The following SSC5D variants were observed in gnomAD, a reference collection of about 807,000 sequenced individuals.
SSC5D encodes scavenger receptor cysteine rich family member with 5 domains.
Under a neutral mutation model 104.6 loss-of-function variants are expected in SSC5D, and 106 were observed. The ratio of observed to expected loss-of-function variants is 1.01; its 90% confidence interval spans 0.87 to 1.19. The LOEUF (loss-of-function observed/expected upper bound fraction) is 1.19. Ranked by LOEUF, SSC5D falls within the 50% of genes most tolerant of loss-of-function variation. The probability of loss-of-function intolerance (pLI) is 0.00; values close to 1 mark genes in which losing one functional copy is unlikely to be tolerated. For missense variants in SSC5D, 1,993 were observed against 2,153.8 expected, an observed-to-expected ratio of 0.93 and a Z score of 1.48; for synonymous variants, 860 against 883.5, an observed-to-expected ratio of 0.97 and a Z score of 0.47.
At chr19:55,513,291 A>G in intron 13 of SSC5D, 119 bp downstream of exon 13, 1 of 1,087,190 alleles carries the variant, frequency 9.2e-7, no homozygotes, top group South Asian at 1.8e-5. Context: ...AATATACCCT[A>G]AAACAAAGGG....
intron 12 of SSC5D, among the ~76,000 whole-genome samples, chr19:55,506,504 C>T (rs1987639917): frequency 6.8e-6 from 1 of 147,448 alleles, no homozygotes; most frequent in Admixed American, 6.9e-5. Flanking sequence ...ACACCATTCT[C>T]CTGCCTCAGC....
At chr19:55,495,233 A>ATATATTTTTTTTT (rs1555765051) in intron 8 of SSC5D, among the ~76,000 whole-genome samples, 2 of 50,668 alleles carry the variant, frequency 3.9e-5, no homozygotes, top group African/African-American at 2.0e-4. Context: ...ATATATATAT[A>ATATATTTTTTTTT]TTTTTTTTTT....
Position 55,517,406 on chromosome 19 carries a change from G to A in SSC5D, c.3130G>A (p.Ala1044Thr), listed in dbSNP as rs1385336925. The A allele has an allele frequency of 1.3e-6, 2 of 1,550,824 alleles. No individual in the cohort carries two copies. The highest frequency in any genetic ancestry group is 1.2e-5 in the South Asian group (1 of 84,042). ...SALTSEATSDAPDTSPPTPDP... is the reference protein window; with the variant it reads ...SALTSEATSDTPDTSPPTPDP... The stretch of plus-strand genomic sequence containing the variant: ...CTTGACGTCCGAGGCGACCTCTGAC[G>A]CTCCGGACACTTCACCACCCACCCC... Residue 1044 changes from alanine (A) to threonine (T), a missense_variant, in exon 14 of 14, where the codon GCT (alanine) becomes ACT (threonine). Ala to Thr is a moderately conservative substitution (Grantham distance 58). Around this residue, in one of 6 missense-constraint regions of SSC5D, gnomAD observed 423 missense variants for 409.2 expected, o/e 1.03. Transcript: ENST00000389623.
rs565619807 is a variant in SSC5D, at chr19:55,503,802, A to G, written c.2785+2601A>G. Among the ~76,000 whole-genome samples the G allele has an allele frequency of 7.0e-6, 1 of 143,402 alleles. No individual in the cohort carries two copies. The highest frequency in any genetic ancestry group is 2.1e-4 in the East Asian group (1 of 4,656). The allele number at this position is 143,402 out of a possible 152,430, so 94.1% of individuals were successfully genotyped here. On this transcript the variant is annotated intron_variant, in intron 12 of 13. Transcript: ENST00000389623. The surrounding 1 kb of genome is among the most constrained non-coding windows in gnomAD (Gnocchi z 4.0). ...CGCTCCCGCAGGAGAGTCTCGCCGC[A>G]AGCGTCCTTTCCCGCCTTTTTTTTT...
intron 12 of SSC5D, 83 bp from the exon 13 acceptor site, chr19:55,512,928 G>C (rs1555767357): frequency 7.9e-6 from 12 of 1,514,004 alleles, no homozygotes; most frequent in East Asian, 4.9e-5. Flanking sequence ...GCCTGAACTG[G>C]GGCTGGCCCA....
intron 12 of SSC5D, among the ~76,000 whole-genome samples, chr19:55,506,871 G>A (rs1390908585): frequency 1.3e-5 from 2 of 150,622 alleles, no homozygotes; most frequent in Non-Finnish European, 3.0e-5. Flanking sequence ...GAGGGTTGCA[G>A]TTTAAAATAG....
At position 55,502,888 on chromosome 19, in the gene SSC5D, T is replaced by C. The variant is rs1735699997; in HGVS notation, c.2785+1687T>C. Among the ~76,000 whole-genome samples the C allele has an allele frequency of 1.3e-5, 2 of 152,002 alleles. 1 individual carries two copies. Among genetic ancestry groups the C allele is most frequent in the African/African-American group, 4.8e-5 (2 of 41,352 alleles). On this transcript the variant is annotated intron_variant, in intron 12 of 13. Transcript: ENST00000389623. The stretch of plus-strand genomic sequence containing the variant: ...TGGAGTGCAGTGGCGTGGTCTCGGC[T>C]CACTGCAACCTCCACCTCCCGGGTT...
In SSC5D at chr19:55,500,777, G is replaced by A. The variant is rs1185755879; in HGVS notation, c.2590G>A (p.Glu864Lys). 3.9e-6 allele frequency: 6 copies of A among 1,550,796 alleles called. No homozygotes were observed. Among genetic ancestry groups the A allele is most frequent in the South Asian group, 1.2e-5 (1 of 84,036 alleles). ...GAWGKHNCDH[E>K]EDVGLTCTGY... The stretch of plus-strand genomic sequence containing the variant: ...TTGGGGGAAGCACAACTGTGACCAC[G>A]AGGAAGACGTGGGGCTCACCTGCAC... Residue 864 changes from glutamate to lysine, a missense_variant, in exon 11 of 14, where the codon GAG becomes AAG. Physicochemically the swap from Glu to Lys is moderately conservative, Grantham distance 56. Coordinates refer to ENST00000389623, the MANE Select transcript of SSC5D (RefSeq NM_001144950.2). The surrounding 1 kb of genome is among the most constrained non-coding windows in gnomAD (Gnocchi z 4.6).
chr19:55,490,549 G>A lies in SSC5D; in HGVS notation c.586+141G>A. On this transcript the variant is annotated intron_variant, in intron 5 of 13. Coordinates refer to ENST00000389623, the MANE Select transcript of SSC5D (RefSeq NM_001144950.2). ...AGTGTTCCCCGCGTCCCTCCCCCGG[G>A]GATTTAGACGGCCAGGCCTGGTCTC... The A allele has an allele frequency of 8.0e-6, 5 of 621,650 alleles. No individual in the cohort carries two copies. The South Asian group carries it at 1.0e-4, about 13-fold the overall frequency. 38.5% of individuals were successfully genotyped at this position (621,650 alleles called of 1,614,324 possible). A position where few individuals can be genotyped will look rare whatever the true frequency, so the allele number is the denominator to read the frequency against.
intron 13 of SSC5D, among the ~76,000 whole-genome samples, chr19:55,514,260 C>T (rs1987817974): frequency 6.6e-6 from 1 of 151,736 alleles, no homozygotes; most frequent in East Asian, 1.9e-4. Context: ...AAAAAATTAG[C>T]CAGGCGTGGT....
At chr19:55,504,920 A>G (rs1237290352) in intron 12 of SSC5D, among the ~76,000 whole-genome samples, 1 of 152,172 alleles carries the variant, frequency 6.6e-6, no homozygotes, top group South Asian at 2.1e-4. Context: ...CTGTTGCTAC[A>G]CCTGTGTTTC....
At chr19:55,490,540 C>G (rs1987110503) in intron 5 of SSC5D, 132 bp downstream of exon 5, 1 of 616,214 alleles carries the variant, frequency 1.6e-6, no homozygotes, top group Admixed American at 3.3e-5. Context: ...CCCCGCGTCC[C>G]TCCCCCGGGG....
rs973651778 is a variant in SSC5D at position 55,503,688 on chromosome 19, C to A, written c.2785+2487C>A. On this transcript the variant is annotated intron_variant, in intron 12 of 13. Transcript: ENST00000389623. The surrounding 1 kb of genome is among the most constrained non-coding windows in gnomAD (Gnocchi z 4.0). ...GTCTTCTCCCTCCCTTCCACTCTCC[C>A]GCCCTGCTCGCCGTCTGGGGCTGCC... 5.3e-5 allele frequency among the ~76,000 whole-genome samples: 8 copies of A among 152,210 alleles called. No individual in the cohort carries two copies. Among genetic ancestry groups the A allele is most frequent in the Non-Finnish European group, 1.2e-4 (8 of 68,032 alleles).
At chr19:55,510,498 T>G (rs4254424) in intron 12 of SSC5D, among the ~76,000 whole-genome samples, 150,703 of 152,190 alleles carry the variant, frequency 0.99, 74,653 homozygotes, top group Non-Finnish European at 1. Flanking sequence ...ACAGGCATGT[T>G]CCACCACGCC....
At chr19:55,494,929 G>C (rs1225966314) in intron 8 of SSC5D, 146 bp downstream of exon 8, 19 of 954,970 alleles carry the variant, frequency 2.0e-5, no homozygotes, top group Non-Finnish European at 2.7e-5. Flanking sequence ...ACTGAGCTGG[G>C]TTCAATGCTC....
intron 12 of SSC5D, among the ~76,000 whole-genome samples, chr19:55,508,517 G>C (rs1282331029): frequency 1.3e-5 from 2 of 152,192 alleles, no homozygotes; most frequent in African/African-American, 4.8e-5. Context: ...AACTGAGGTA[G>C]GGAGAGGTCA....
rs1987890854 is a variant in SSC5D, at chr19:55,517,214, C to T, written c.2948-10C>T. ...CTCAGACCGTCCGTCTGTCTTTCCT[C>T]CTCCTCCAGGTTCCCCGAGGAAACC... On this transcript the variant is annotated splice_polypyrimidine_tract_variant and intron_variant, in intron 13 of 13. Transcript: ENST00000389623. The T allele has an allele frequency of 1.3e-6, 2 of 1,533,846 alleles. No individual in the cohort carries two copies. Among genetic ancestry groups the T allele is most frequent in the Non-Finnish European group, 1.7e-6 (2 of 1,145,214 alleles).
At chr19:55,489,143 C>G (rs1987053080) in intron 2 of SSC5D, 111 bp downstream of exon 2, 7 of 919,738 alleles carry the variant, frequency 7.6e-6, no homozygotes, top group Non-Finnish European at 9.2e-6. Flanking sequence ...CCGAATTCCA[C>G]TGTGACCTTG....
Position 55,500,684 on chromosome 19 carries a change from C to G in SSC5D, c.2497C>G (p.Pro833Ala), listed in dbSNP as rs1011495708. ...GKTHYGPGTG[P>A]IWLDDMGCKG... Reference sequence around the variant, plus strand: ...AACCCATTACGGCCCTGGGACTGGGCCCATCTGGCTGGATGACATGGGCTG... The same window carrying G: ...AACCCATTACGGCCCTGGGACTGGGGCCATCTGGCTGGATGACATGGGCTG... Residue 833 changes from proline to alanine, a missense_variant, in exon 11 of 14, where the codon CCC (proline) becomes GCC (alanine). Physicochemically the swap from Pro to Ala is conservative, Grantham distance 27. Transcript: ENST00000389623. The surrounding 1 kb of genome is among the most constrained non-coding windows in gnomAD (Gnocchi z 4.6). 3.2e-6 allele frequency: 5 copies of G among 1,551,590 alleles called. No individual in the cohort carries two copies. Among genetic ancestry groups the G allele is most frequent in the African/African-American group, 2.7e-5 (2 of 73,036 alleles).
Sources: allele counts gnomAD v4.1 joint callset (sites outside exome capture counted in the v4.1 genomes callset), GRCh38; gene constraint gnomAD v4.1.1; regional missense constraint gnomAD v4.1.1; non-coding constraint Gnocchi (gnomAD v3.1); transcripts MANE v1.5; gene names NCBI Gene and HGNC (gene_info 2026-07-23, HGNC 2026-07-21).